KIF5C: variants seen among roughly 807,000 people sequenced by gnomAD.
The protein encoded by KIF5C is kinesin heavy chain isoform 5C.
A neutral mutation model predicts 125.2 loss-of-function variants in KIF5C; 18 were observed. That is an observed-to-expected ratio of 0.14 (90% CI 0.10 to 0.21). The LOEUF is 0.21. Among genes scored for constraint, KIF5C ranks in the 10% least tolerant of loss-of-function variants. The probability of loss-of-function intolerance (pLI) is 1.00; values close to 1 mark genes in which losing one functional copy is unlikely to be tolerated. For synonymous variants in KIF5C, 405 were observed against 434.0 expected, an observed-to-expected ratio of 0.93 and a Z score of 0.83; for missense variants, 780 against 1,183.8, an observed-to-expected ratio of 0.66 and a Z score of 5.01.
chr2:148,968,183 A>G (rs1443284595), intron 11 of KIF5C, among the ~76,000 whole-genome samples: 1 of 152,214 alleles, frequency 6.6e-6, no homozygotes, highest in South Asian at 2.1e-4. Context: ...ATTGCCTATA[A>G]GATTAAAAAA....
chr2:148,931,711 A>G (rs956107291), intron 3 of KIF5C, among the ~76,000 whole-genome samples: 1 of 152,138 alleles, frequency 6.6e-6, no homozygotes, highest in African/African-American at 2.4e-5. Context: ...AAAACCAAAA[A>G]CAAAAACTAA....
intron 25 of KIF5C, among the ~76,000 whole-genome samples, chr2:149,012,138 A>G (rs1682226586): frequency 6.6e-6 from 1 of 152,244 alleles, no homozygotes; most frequent in Admixed American, 6.5e-5. Context: ...TCTGAACTCA[A>G]CAAGTGGGGA....
intron 15 of KIF5C, 126 bp from the exon 16 acceptor site, chr2:148,990,884 C>T: frequency 1.4e-6 from 2 of 1,428,374 alleles, no homozygotes; most frequent in East Asian, 2.6e-5. Flanking sequence ...TTCCGCTTGT[C>T]CTTTAATTAG....
intron 25 of KIF5C, among the ~76,000 whole-genome samples, chr2:149,021,179 C>G (rs1682523989): frequency 6.6e-6 from 1 of 152,166 alleles, no homozygotes; most frequent in Non-Finnish European, 1.5e-5. Context: ...TCTCCTGTTT[C>G]AGCCTCCCAA....
chr2:148,936,099 G>T (rs1682284328), intron 3 of KIF5C, among the ~76,000 whole-genome samples: 1 of 152,058 alleles, frequency 6.6e-6, no homozygotes, highest in Admixed American at 6.6e-5. Flanking sequence ...GACCAGCCTT[G>T]GCAACACTGC....
intron 1 of KIF5C, among the ~76,000 whole-genome samples, chr2:148,907,614 A>C (rs1051582347): frequency 6.6e-6 from 1 of 152,244 alleles, no homozygotes; most frequent in African/African-American, 2.4e-5. Context: ...TTTTCAGCAT[A>C]TGGCTCCAAG....
chr2:148,987,387 C>G (rs1228243804), intron 15 of KIF5C, among the ~76,000 whole-genome samples: 2 of 152,068 alleles, frequency 1.3e-5, no homozygotes, highest in Non-Finnish European at 2.9e-5. Flanking sequence ...GAACCAGAAC[C>G]ACTTCATGGT....
intron 8 of KIF5C, 75 bp from the exon 9 acceptor site, chr2:148,949,764 T>C: frequency 6.5e-7 from 1 of 1,542,982 alleles, no homozygotes; most frequent in Non-Finnish European, 8.8e-7. Flanking sequence ...CCCTTTGCCC[T>C]CGTGTGAATT....
chr2:148,964,670 A>G (rs1010516867), intron 11 of KIF5C, among the ~76,000 whole-genome samples: 1 of 152,058 alleles, frequency 6.6e-6, no homozygotes, highest in South Asian at 2.1e-4. Context: ...AGAGATTAGT[A>G]TCTGTGAGAA....
At chr2:148,883,542 C>T (rs193285235) in intron 1 of KIF5C, 16 of 152,036 alleles carry the variant, frequency 1.1e-4, no homozygotes, top group Admixed American at 2.0e-4. Flanking sequence ...CCAGAAAACA[C>T]GATAATTAAC....
intron 14 of KIF5C, among the ~76,000 whole-genome samples, chr2:148,981,797 T>C (rs760471602): frequency 1.1e-4 from 16 of 152,158 alleles, no homozygotes; most frequent in Non-Finnish European, 1.9e-4. Context: ...ATAACATTAG[T>C]GGGGATGCTT....
intron 10 of KIF5C, among the ~76,000 whole-genome samples, chr2:148,952,899 A>G (rs1199552954): frequency 5.3e-5 from 8 of 152,212 alleles, no homozygotes; most frequent in Admixed American, 5.2e-4. Context: ...TGAAAAGGTC[A>G]TAGTAGTAGA....
intron 4 of KIF5C, 143 bp downstream of exon 4, chr2:148,937,531 G>A: frequency 8.3e-7 from 1 of 1,202,954 alleles, no homozygotes; most frequent in South Asian, 1.8e-5. Context: ...CTTTATTAGT[G>A]ACCTAGGCTA....
chr2:148,900,281 ACT>A (rs1406805288), intron 1 of KIF5C, among the ~76,000 whole-genome samples: 2 of 152,038 alleles, frequency 1.3e-5, no homozygotes, highest in African/African-American at 4.8e-5. Context: ...CATTGTGGAC[ACT>A]CTTTTCCAAT....
At chr2:148,949,734 T>G (rs762550553) in intron 8 of KIF5C, 105 bp from the exon 9 acceptor site, 141 of 1,435,498 alleles carry the variant, frequency 9.8e-5, no homozygotes, top group Non-Finnish European at 1.3e-4. Context: ...TATTTTTCCT[T>G]GCTTTCCAGG....
chr2:149,000,907 A>G lies in KIF5C; in HGVS notation c.2373+125A>G, dbSNP rs537071824. 5.4e-6 allele frequency: 8 copies of G among 1,489,696 alleles called. 1 individual carries two copies. In the African/African-American group the frequency reaches 9.8e-5, roughly 18 times the overall value. The allele number at this position is 1,489,696 out of a possible 1,614,324, so 92.3% of individuals were successfully genotyped here. A position where few individuals can be genotyped will look rare whatever the true frequency, so the allele number is the denominator to read the frequency against. On this transcript the variant is annotated intron_variant, in intron 21 of 25. Coordinates refer to ENST00000435030, the MANE Select transcript of KIF5C (RefSeq NM_004522.3). ...TGTAATGTTTTAGATAAGACATTCT[A>G]TGGAAAAGTAGGATTTGTAGAATTT... is the stretch of plus-strand genomic sequence containing the variant.
chr2:148,931,342 C>T (rs763031486), intron 3 of KIF5C, among the ~76,000 whole-genome samples: 2 of 152,078 alleles, frequency 1.3e-5, no homozygotes, highest in East Asian at 1.9e-4. Context: ...ATCTTATTTC[C>T]GGAGAAGAGA....
chr2:148,919,906 A>G (rs746357525), intron 1 of KIF5C, among the ~76,000 whole-genome samples: 2 of 152,200 alleles, frequency 1.3e-5, no homozygotes, highest in Non-Finnish European at 2.9e-5. Flanking sequence ...TATCAATCAT[A>G]ATGACTTGAA....
intron 3 of KIF5C, among the ~76,000 whole-genome samples, chr2:148,930,329 T>TTG (rs1327042729): frequency 9.7e-6 from 1 of 103,432 alleles, no homozygotes; most frequent in African/African-American, 6.4e-5. Flanking sequence ...CCTCTTTTCC[T>TTG]TTTTTTTTTT....
Sources: gnomAD v4.1 joint callset for allele counts (sites outside exome capture counted in the v4.1 genomes callset) on GRCh38, gnomAD v4.1.1 for gene constraint, MANE v1.5 for transcripts, NCBI Gene and HGNC (gene_info 2026-07-23, HGNC 2026-07-21) for gene names.